GRIP1: variants seen among roughly 807,000 people sequenced by gnomAD.
GRIP1 encodes the protein glutamate receptor-interacting protein 1.
Under a neutral mutation model 129.9 loss-of-function variants are expected in GRIP1, and 45 were observed. The ratio of observed to expected loss-of-function variants is 0.35; its 90% CI spans 0.27 to 0.44. The LOEUF is 0.44. Among genes scored for constraint, GRIP1 ranks in the 20% least tolerant of loss-of-function variants. The pLI, the probability that GRIP1 is intolerant of heterozygous loss-of-function variation, is 1.00. For missense variants in GRIP1, 1,196 were observed against 1,396.8 expected (o/e 0.86, Z 2.29); for synonymous variants, 530 against 520.8 (o/e 1.02, Z -0.24).
chr12:66,387,413 G>T (rs976600003), intron 19 of GRIP1, among the ~76,000 whole-genome samples: 1 of 152,224 alleles, frequency 6.6e-6, no homozygotes, highest in Non-Finnish European at 1.5e-5. Context: ...TGCTGGAACT[G>T]GGGTGTGTTT....
At chr12:66,410,017 G>A (rs1270442051) in intron 15 of GRIP1, among the ~76,000 whole-genome samples, 5 of 151,736 alleles carry the variant, frequency 3.3e-5, no homozygotes, top group East Asian at 1.9e-4. Flanking sequence ...TTGGGAGGCC[G>A]AGGCGGGCGG....
intron 7 of GRIP1, among the ~76,000 whole-genome samples, chr12:66,476,150 T>C (rs546437326): frequency 3.3e-5 from 5 of 151,662 alleles, no homozygotes; most frequent in South Asian, 2.1e-4. Context: ...GAGGGAAGAA[T>C]CAAATAGATG....
intron 1 of GRIP1, among the ~76,000 whole-genome samples, chr12:66,899,390 G>T (rs1592938828): frequency 6.6e-6 from 1 of 151,948 alleles, no homozygotes; most frequent in African/African-American, 2.4e-5. Context: ...TTGAGTCAGG[G>T]TCCTGCTCTG....
chr12:66,540,550 G>A (rs1408392765), intron 3 of GRIP1, among the ~76,000 whole-genome samples: 1 of 152,112 alleles, frequency 6.6e-6, no homozygotes, highest in African/African-American at 2.4e-5. Flanking sequence ...GCAGATTGAG[G>A]TGCTTGTGTC....
intron 1 of GRIP1, among the ~76,000 whole-genome samples, chr12:66,846,020 G>C (rs2137063236): frequency 6.6e-6 from 1 of 152,108 alleles, no homozygotes; most frequent in East Asian, 1.9e-4. Context: ...TCTGAATCTT[G>C]ATTCACACTA....
At chr12:66,660,136 G>A (rs1249256330) in intron 1 of GRIP1, among the ~76,000 whole-genome samples, 2 of 152,098 alleles carry the variant, frequency 1.3e-5, no homozygotes, top group African/African-American at 2.4e-5. Context: ...CTTGTGAACT[G>A]TTAGCTGTCT....
At chr12:66,673,260 A>C (rs1565957837) in intron 1 of GRIP1, among the ~76,000 whole-genome samples, 2 of 152,216 alleles carry the variant, frequency 1.3e-5, no homozygotes, top group East Asian at 3.9e-4. Flanking sequence ...GAGTTAGTAC[A>C]TGTAAAATGT....
chr12:66,720,198 T>C (rs761335429), intron 1 of GRIP1, among the ~76,000 whole-genome samples: 2 of 152,178 alleles, frequency 1.3e-5, no homozygotes, highest in African/African-American at 2.4e-5. Flanking sequence ...CCAGTGCATA[T>C]AGAAGTTATG....
intron 2 of GRIP1, among the ~76,000 whole-genome samples, chr12:66,576,426 C>G (rs954948985): frequency 6.6e-6 from 1 of 152,144 alleles, no homozygotes; most frequent in Non-Finnish European, 1.5e-5. Context: ...TAATTCATTG[C>G]TAAGAAGAGT....
rs959372323 is a variant in GRIP1, at chr12:66,463,828, T to A, written c.873-735A>T. On this transcript the variant is annotated intron_variant, in intron 8 of 24. Transcript: ENST00000359742. ...AGAAAAGCTAGCGCAGTCGTCAGCA[T>A]CCCCACATACCAGTCAAGTGAACAG... Among the ~76,000 whole-genome samples, 2 of 152,088 alleles carry A rather than the reference T, an allele frequency of 1.3e-5. 1 individual carries two copies. Among genetic ancestry groups the A allele is most frequent in the African/African-American group, 4.8e-5 (2 of 41,402 alleles).
intron 15 of GRIP1, among the ~76,000 whole-genome samples, chr12:66,410,501 G>A (rs2137712619): frequency 6.7e-6 from 1 of 149,638 alleles, no homozygotes; most frequent in South Asian, 2.1e-4. Flanking sequence ...AAAATAGCTG[G>A]GCATGGTGGT....
At chr12:67,048,459 CACAT>C (rs1456180274) in intron 1 of GRIP1, among the ~76,000 whole-genome samples, 1 of 152,060 alleles carries the variant, frequency 6.6e-6, no homozygotes, top group African/African-American at 2.4e-5. Flanking sequence ...TATACGCACA[CACAT>C]ACATTTTTTT....
rs2060824707 is a variant in GRIP1, at chr12:66,515,707, A to G, written c.636T>C (p.Leu212=). 6.2e-7 allele frequency: 1 copy of G among 1,613,536 alleles called. No individual in the cohort carries two copies. Among genetic ancestry groups the G allele is most frequent in the African/African-American group, 1.3e-5 (1 of 74,912 alleles). ...RLLSVDGIRL[L]GTTHAEAMSI... The stretch of plus-strand genomic sequence containing the variant: ...TCATGGCTTCAGCATGCGTAGTTCC[A>G]AGAAGCCGAATTCCATCCACACTGA... The change falls in exon 7 of 25, where the codon CTT becomes CTC. Residue 212 remains leucine (L), a synonymous_variant. Transcript: ENST00000359742.
chr12:66,743,506 A>G (rs2036852517), intron 1 of GRIP1, among the ~76,000 whole-genome samples: 1 of 152,146 alleles, frequency 6.6e-6, no homozygotes, highest in African/African-American at 2.4e-5. Context: ...ACCTGGAAGA[A>G]GTCAATATAT....
intron 1 of GRIP1, among the ~76,000 whole-genome samples, chr12:66,639,346 A>T (rs996942382): frequency 2.6e-5 from 4 of 152,146 alleles, no homozygotes; most frequent in Non-Finnish European, 5.9e-5. Flanking sequence ...GGTAAGCAGA[A>T]GTTAGCTAAA....
chr12:66,424,612 G>A (rs4130008), intron 14 of GRIP1, among the ~76,000 whole-genome samples: 99,491 of 152,018 alleles, frequency 0.65, 33,952 homozygotes, highest in Non-Finnish European at 0.77. Context: ...GGTATTTATT[G>A]ATCAACATTT....
At chr12:66,502,765 G>A (rs1176109292) in intron 7 of GRIP1, among the ~76,000 whole-genome samples, 1 of 152,134 alleles carries the variant, frequency 6.6e-6, no homozygotes, top group Non-Finnish European at 1.5e-5. Flanking sequence ...CTGACACCAT[G>A]CTTGTACAGC....
intron 1 of GRIP1, among the ~76,000 whole-genome samples, chr12:66,907,585 G>C (rs1055349426): frequency 3.9e-5 from 6 of 152,148 alleles, no homozygotes; most frequent in Non-Finnish European, 8.8e-5. Context: ...CAGGTAAAAG[G>C]AGGAGCAAGA....
At chr12:66,452,060 T>C (rs999658452) in intron 11 of GRIP1, among the ~76,000 whole-genome samples, 6 of 152,328 alleles carry the variant, frequency 3.9e-5, no homozygotes, top group Admixed American at 3.3e-4. Flanking sequence ...ATTCTGGAAA[T>C]GTGTTCTAAC....
Sources: gnomAD v4.1 joint callset for allele counts (sites outside exome capture counted in the v4.1 genomes callset) on GRCh38, gnomAD v4.1.1 for gene constraint, MANE v1.5 for transcripts, NCBI Gene and HGNC (gene_info 2026-07-23, HGNC 2026-07-21) for gene names.